The following FAM220A variants were observed in gnomAD, a reference collection of about 807,000 sequenced individuals.
FAM220A encodes family with sequence similarity 220 member A, also known as protein FAM220A.
For synonymous variants in FAM220A, 141 were observed against 130.7 expected, an observed-to-expected ratio of 1.08 and a Z score of -0.54; for missense variants, 392 against 321.6, an observed-to-expected ratio of 1.22 and a Z score of -1.68.
chr7:6,335,999 C>T (rs1306519325), intron 1 of FAM220A, among the ~76,000 whole-genome samples: 1 of 151,940 alleles, frequency 6.6e-6, no homozygotes, highest in Non-Finnish European at 1.5e-5. Context: ...ACGGTGAAAC[C>T]CCGTCTCTAC....
chr7:6,340,132 G>T (rs914630494), intron 1 of FAM220A, among the ~76,000 whole-genome samples: 1 of 151,380 alleles, frequency 6.6e-6, no homozygotes, highest in Middle Eastern at 3.2e-3. Flanking sequence ...TGATCCGCCC[G>T]CCTCGGCCTC....
At chr7:6,338,683 C>G (rs984613369) in intron 1 of FAM220A, 1 of 152,484 alleles carries the variant, frequency 6.6e-6, no homozygotes, top group Middle Eastern at 3.4e-3. Context: ...GCTGACCTGC[C>G]GGACAACAAT....
chr7:6,343,019 A>G (rs1423147319), intron 1 of FAM220A, among the ~76,000 whole-genome samples: 2 of 149,204 alleles, frequency 1.3e-5, no homozygotes, highest in Non-Finnish European at 3.0e-5. Context: ...CCTGGATGAC[A>G]GAGGAAGACG....
chr7:6,337,555 TTG>T (rs1290510041), intron 1 of FAM220A, among the ~76,000 whole-genome samples: 1 of 151,776 alleles, frequency 6.6e-6, no homozygotes, highest in African/African-American at 2.4e-5. Context: ...ATTTCTAGAA[TTG>T]TGTTAAAGTA....
intron 1 of FAM220A, among the ~76,000 whole-genome samples, chr7:6,343,156 C>A (rs1364367929): frequency 6.6e-6 from 1 of 151,560 alleles, no homozygotes; most frequent in Non-Finnish European, 1.5e-5. Context: ...GAGGGTGGAT[C>A]CCCTGAGGTC....
intron 1 of FAM220A, among the ~76,000 whole-genome samples, chr7:6,335,988 C>T (rs1781738551): frequency 6.6e-6 from 1 of 152,036 alleles, no homozygotes; most frequent in Non-Finnish European, 1.5e-5. Context: ...GCCTGGTCTA[C>T]ACGGTGAAAC....
chr7:6,330,050 T>C lies in FAM220A; in HGVS notation c.*325A>G, dbSNP rs1781596396. ...AAAGGACACACAGGATTTGGGACAG[T>C]AGCCCTTTAGAATGGATGTTGAAGA... On this transcript the variant is annotated 3_prime_UTR_variant, in exon 2 of 2. Coordinates refer to ENST00000313324, the MANE Select transcript of FAM220A (RefSeq NM_001037163.2). 3.3e-6 allele frequency: 1 copy of C among 300,988 alleles called. No individual in the cohort carries two copies. The highest frequency in any genetic ancestry group is 4.6e-5 in the South Asian group (1 of 21,674). 18.6% of individuals were successfully genotyped at this position (300,988 alleles called of 1,614,324 possible). A position where few individuals can be genotyped will look rare whatever the true frequency, so the allele number is the denominator to read the frequency against.
At chr7:6,347,069 G>A (rs1781965877) in intron 1 of FAM220A, among the ~76,000 whole-genome samples, 3 of 152,278 alleles carry the variant, frequency 2.0e-5, no homozygotes, top group Middle Eastern at 3.4e-3. Flanking sequence ...GGTTCTGACT[G>A]TAATCCTAGT....
intron 1 of FAM220A, among the ~76,000 whole-genome samples, chr7:6,336,270 C>T (rs2115134704): frequency 6.6e-6 from 1 of 152,080 alleles, no homozygotes; most frequent in Middle Eastern, 3.4e-3. Context: ...ACTGCTTGAG[C>T]CTAGAAGCTC....
At chr7:6,342,509 A>G (rs1781881651) in intron 1 of FAM220A, among the ~76,000 whole-genome samples, 1 of 152,146 alleles carries the variant, frequency 6.6e-6, no homozygotes, top group African/African-American at 2.4e-5. Context: ...ATTGCACTGC[A>G]GCCTGGGTGA....
rs972557964 is a variant in FAM220A at position 6,346,850 on chromosome 7, G to A, written c.-82+1723C>T. ...GCACCTGCAGTGTGGTGGTTCTACT[G>A]CTCAGACTGGTTCATTCTGCACGCC... On this transcript the variant is annotated intron_variant, in intron 1 of 1. Transcript: ENST00000313324. Among the ~76,000 whole-genome samples, 17 of 152,148 alleles carry A rather than the reference G, an allele frequency of 1.1e-4. 1 individual carries two copies. Among genetic ancestry groups the A allele is most frequent in the African/African-American group, 4.1e-4 (17 of 41,440 alleles).
intron 1 of FAM220A, among the ~76,000 whole-genome samples, chr7:6,338,915 C>A (rs114219978): frequency 6.6e-6 from 1 of 152,118 alleles, no homozygotes; most frequent in East Asian, 1.9e-4. Flanking sequence ...GACTGCCGCA[C>A]GCAAGGAGAG....
At chr7:6,345,061 T>C (rs1781930315) in intron 1 of FAM220A, among the ~76,000 whole-genome samples, 2 of 151,786 alleles carry the variant, frequency 1.3e-5, no homozygotes, top group African/African-American at 4.8e-5. Context: ...CCGGCCAGAG[T>C]TTAGCTTTCT....
intron 1 of FAM220A, among the ~76,000 whole-genome samples, chr7:6,333,633 G>A (rs919911288): frequency 6.6e-6 from 1 of 151,630 alleles, no homozygotes; most frequent in Non-Finnish European, 1.5e-5. Flanking sequence ...TGTGTCACTG[G>A]GATTACAGGC....
chr7:6,337,334 C>T lies in FAM220A; in HGVS notation c.-81-6099G>A, dbSNP rs992577299. The stretch of plus-strand genomic sequence containing the variant: ...ATGGGGTTTTACCATGATGGCCAGG[C>T]TGGTCTCTAACTCCTGACCTCAGGT... On this transcript the variant is annotated intron_variant, in intron 1 of 1. Coordinates refer to ENST00000313324, the MANE Select transcript of FAM220A (RefSeq NM_001037163.2). 4.6e-5 allele frequency among the ~76,000 whole-genome samples: 7 copies of T among 152,134 alleles called. No homozygotes were observed. In the East Asian group the frequency reaches 1.3e-3, roughly 29 times the overall value.
chr7:6,333,449 A>G (rs77313777), intron 1 of FAM220A, among the ~76,000 whole-genome samples: 1,769 of 152,248 alleles, frequency 0.012, 34 homozygotes, highest in African/African-American at 0.04. Context: ...CAGGAAAAAG[A>G]AAGAAAGAAG....
At chr7:6,335,551 A>G (rs1371162457) in intron 1 of FAM220A, among the ~76,000 whole-genome samples, 6 of 152,102 alleles carry the variant, frequency 3.9e-5, no homozygotes, top group African/African-American at 1.4e-4. Flanking sequence ...GTGAGAAAAT[A>G]TTAAAATGTC....
intron 1 of FAM220A, among the ~76,000 whole-genome samples, chr7:6,347,514 A>AG (rs1781976082): frequency 2.9e-5 from 4 of 139,464 alleles, no homozygotes; most frequent in Admixed American, 2.1e-4. Context: ...ACTCTGTCTC[A>AG]GGGAAAAAAA....
chr7:6,334,184 T>C (rs1430388630), intron 1 of FAM220A, among the ~76,000 whole-genome samples: 2 of 151,268 alleles, frequency 1.3e-5, no homozygotes, highest in African/African-American at 4.9e-5. Flanking sequence ...CACATCAGCC[T>C]CCTGAGTAGC....
Sources: allele counts gnomAD v4.1 joint callset (sites outside exome capture counted in the v4.1 genomes callset), GRCh38; gene constraint gnomAD v4.1.1; transcripts MANE v1.5; gene names NCBI Gene and HGNC (gene_info 2026-07-23, HGNC 2026-07-21).